Variants in SGCD observed in about 807,000 individuals in gnomAD.
SGCD encodes the protein sarcoglycan delta.
In SGCD, 18 loss-of-function variants were observed where a neutral mutation model predicts 36.6. The observed-to-expected ratio is 0.49, with a 90% CI of 0.34 to 0.73. The LOEUF (loss-of-function observed/expected upper bound fraction) is 0.73, where lower values mean the gene tolerates loss of function less well. Ranked by LOEUF, SGCD falls within the 30% of genes least tolerant of loss-of-function variation. The pLI is 0.01. For missense variants in SGCD, 387 were observed against 346.7 expected (o/e 1.12, Z -0.92); for synonymous variants, 133 against 130.6 (o/e 1.02, Z -0.12).
chr5:156,400,890 T>C (rs771217952), intron 3 of SGCD, among the ~76,000 whole-genome samples: 1 of 152,234 alleles, frequency 6.6e-6, no homozygotes, highest in Non-Finnish European at 1.5e-5. Context: ...TGCATTAGAA[T>C]GAAGAACTGC....
At chr5:156,168,426 T>C (rs1763263297) in intron 3 of SGCD, among the ~76,000 whole-genome samples, 1 of 151,518 alleles carries the variant, frequency 6.6e-6, no homozygotes. Context: ...ATAACATAAG[T>C]TACTTGGGTG....
intron 3 of SGCD, among the ~76,000 whole-genome samples, chr5:156,143,177 A>G (rs919667629): frequency 1.3e-5 from 2 of 152,232 alleles, no homozygotes; most frequent in African/African-American, 4.8e-5. Flanking sequence ...CCACTGCTTC[A>G]AAGAGTGCAA....
At chr5:156,339,436 G>A (rs1466636790) in intron 2 of SGCD, among the ~76,000 whole-genome samples, 1 of 152,172 alleles carries the variant, frequency 6.6e-6, no homozygotes, top group African/African-American at 2.4e-5. Context: ...TTCTGATATA[G>A]CTAGTTACTT....
intron 1 of SGCD, among the ~76,000 whole-genome samples, chr5:156,033,214 C>T (rs979522108): frequency 1.3e-5 from 2 of 151,880 alleles, no homozygotes; most frequent in Non-Finnish European, 2.9e-5. Flanking sequence ...GCCTCCTGAA[C>T]CAAACTTCAA....
rs186462834 is a variant in SGCD, at chr5:156,360,532, T to C, written c.192+15855T>C. ...CAAAGTGCTGGAATTACAGGCCTAA[T>C]TGGTTTTTTTACACTGTAGTGTCCA... On this transcript the variant is annotated intron_variant, in intron 3 of 8. Coordinates refer to ENST00000337851, the MANE Select transcript of SGCD (RefSeq NM_000337.6). Among the ~76,000 whole-genome samples, 317 of 152,130 alleles carry C rather than the reference T, an allele frequency of 2.1e-3. 1 individual carries two copies. The highest frequency in any genetic ancestry group is 3.4e-3 in the Admixed American group (52 of 15,280).
Position 156,498,942 on chromosome 5 carries a change from G to C in SGCD, c.193-9659G>C, listed in dbSNP as rs932019895. Among the ~76,000 whole-genome samples, 30 of 109,470 alleles carry C rather than the reference G, an allele frequency of 2.7e-4. 1 individual carries two copies. Among genetic ancestry groups the C allele is most frequent in the Admixed American group, 5.1e-4 (5 of 9,718 alleles). 71.8% of individuals were successfully genotyped at this position (109,470 alleles called of 152,430 possible). A position where few individuals can be genotyped will look rare whatever the true frequency, so the allele number is the denominator to read the frequency against. On this transcript the variant is annotated intron_variant, in intron 3 of 8. Coordinates refer to ENST00000337851, the MANE Select transcript of SGCD (RefSeq NM_000337.6). ...TTGCCATCATGTGTGCTACGTGTGT[G>C]TGTGTGTGTGTGTGTGTGTGTATGT...
At chr5:156,283,079 C>G (rs1766496643) in intron 3 of SGCD, among the ~76,000 whole-genome samples, 1 of 152,048 alleles carries the variant, frequency 6.6e-6, no homozygotes, top group African/African-American at 2.4e-5. Flanking sequence ...ACTCTGCAGG[C>G]CTTTAGTCCT....
At chr5:156,506,457 G>A (rs1162516174) in intron 3 of SGCD, among the ~76,000 whole-genome samples, 1 of 152,096 alleles carries the variant, frequency 6.6e-6, no homozygotes, top group Non-Finnish European at 1.5e-5. Flanking sequence ...GCTCCCAGTT[G>A]TGGTTTCTAA....
chr5:156,262,487 T>C (rs551394571), intron 3 of SGCD, among the ~76,000 whole-genome samples: 1 of 152,128 alleles, frequency 6.6e-6, no homozygotes, highest in Non-Finnish European at 1.5e-5. Context: ...AACCACCTAA[T>C]GATTTAATGA....
chr5:155,729,957 G>C, the SGCD span, among the ~76,000 whole-genome samples: 1 of 152,136 alleles, frequency 6.6e-6, no homozygotes, highest in African/African-American at 2.4e-5. Flanking sequence ...GCTGGGCGGC[G>C]AGCCAAAACT....
chr5:156,299,130 A>G (rs1766984647), intron 3 of SGCD, among the ~76,000 whole-genome samples: 1 of 152,218 alleles, frequency 6.6e-6, no homozygotes, highest in Non-Finnish European at 1.5e-5. Context: ...TGCAAGAGAT[A>G]TAGATCTAGT....
chr5:156,289,453 A>G (rs949789734), intron 3 of SGCD, among the ~76,000 whole-genome samples: 1 of 151,032 alleles, frequency 6.6e-6, no homozygotes, highest in Non-Finnish European at 1.5e-5. Context: ...ACTGGGCTCT[A>G]CCTCCACCCC....
intron 3 of SGCD, among the ~76,000 whole-genome samples, chr5:156,151,807 C>G (rs1762842100): frequency 6.8e-6 from 1 of 147,054 alleles, no homozygotes; most frequent in African/African-American, 2.6e-5. Context: ...GGTATGTCTA[C>G]ATGTTTACAT....
intron 3 of SGCD, among the ~76,000 whole-genome samples, chr5:156,427,082 T>C (rs1291155041): frequency 6.6e-6 from 1 of 152,106 alleles, no homozygotes; most frequent in Admixed American, 6.6e-5. Context: ...CTGTGAAGAA[T>C]GGTGATGATA....
At chr5:156,448,071 C>A (rs1296168416) in intron 3 of SGCD, among the ~76,000 whole-genome samples, 1 of 152,102 alleles carries the variant, frequency 6.6e-6, no homozygotes, top group African/African-American at 2.4e-5. Flanking sequence ...TTTTGACTTT[C>A]ACTGTATTCT....
At chr5:156,173,634 A>T (rs62380717) in intron 3 of SGCD, among the ~76,000 whole-genome samples, 40,042 of 152,044 alleles carry the variant, frequency 0.26, 5,664 homozygotes, top group East Asian at 0.57. Flanking sequence ...ATTTATAGAG[A>T]CATTTTTTAT....
At chr5:156,485,621 A>C (rs1755625102) in intron 3 of SGCD, among the ~76,000 whole-genome samples, 1 of 152,030 alleles carries the variant, frequency 6.6e-6, no homozygotes, top group Non-Finnish European at 1.5e-5. Flanking sequence ...ACGCCATTGC[A>C]CTCTAGCCTG....
chr5:155,899,432 C>CA (rs1756339008), intron 1 of SGCD, among the ~76,000 whole-genome samples: 1 of 152,136 alleles, frequency 6.6e-6, no homozygotes, highest in South Asian at 2.1e-4. Flanking sequence ...AGCATTGTTT[C>CA]AAAAATCCTC....
At chr5:156,700,609 A>G (rs39928) in intron 7 of SGCD, among the ~76,000 whole-genome samples, 149,975 of 152,218 alleles carry the variant, frequency 0.99, 73,890 homozygotes, top group East Asian at 1. Flanking sequence ...CTTTTCCCCC[A>G]GATCATTACC....
Sources: allele counts gnomAD v4.1 joint callset (sites outside exome capture counted in the v4.1 genomes callset), GRCh38; gene constraint gnomAD v4.1.1; transcripts MANE v1.5; gene names NCBI Gene and HGNC (gene_info 2026-07-23, HGNC 2026-07-21).